The following NOX4 variants were observed in gnomAD, a reference collection of about 807,000 sequenced individuals.
NOX4 encodes the protein NADPH oxidase 4.
In NOX4, 69 loss-of-function variants were observed where a neutral mutation model predicts 87.6. The observed-to-expected ratio is 0.79, with a 90% CI of 0.65 to 0.96. The LOEUF is 0.96. Among genes scored for constraint, NOX4 ranks in the 40% least tolerant of loss-of-function variants. NOX4 has a pLI of 0.00. For missense variants in NOX4, 680 were observed against 681.5 expected, an observed-to-expected ratio of 1.00 and a Z score of 0.02; for synonymous variants, 275 against 238.2, an observed-to-expected ratio of 1.15 and a Z score of -1.42.
In NOX4 at chr11:89,442,959, G is replaced by C. The variant is rs184428679; in HGVS notation, c.447+1176C>G. Among the ~76,000 whole-genome samples the C allele has an allele frequency of 1.4e-4, 21 of 152,186 alleles. No individual in the cohort carries two copies. The East Asian group carries it at 3.9e-3, about 28-fold the overall frequency. On this transcript the variant is annotated intron_variant, in intron 5 of 17. Transcript: ENST00000263317. ...TTGAGCAGAGGGCAGCAGGAGAAAG[G>C]GAAGCAGGTGGAAGTGAGATGGGCA...
At chr11:89,529,031 T>A in the NOX4 span, among the ~76,000 whole-genome samples, 1 of 151,766 alleles carries the variant, frequency 6.6e-6, no homozygotes, top group Non-Finnish European at 1.5e-5. Context: ...AAGATAAGAA[T>A]ACAAACAGAA....
At chr11:89,510,575 T>A in the NOX4 span, among the ~76,000 whole-genome samples, 8 of 152,140 alleles carry the variant, frequency 5.3e-5, no homozygotes, top group African/African-American at 1.9e-4. Context: ...TTATGTAATT[T>A]TTACAGAATC....
chr11:89,436,679 C>T (rs1944097051), intron 6 of NOX4, among the ~76,000 whole-genome samples: 1 of 151,978 alleles, frequency 6.6e-6, no homozygotes, highest in African/African-American at 2.4e-5. Flanking sequence ...ATTCATTATC[C>T]TATTTTACTA....
chr11:89,338,330 C>T (rs761548523), intron 15 of NOX4, among the ~76,000 whole-genome samples: 1 of 151,902 alleles, frequency 6.6e-6, no homozygotes. Context: ...AATTTCCTTC[C>T]TTTTTAAGGC....
the NOX4 span, among the ~76,000 whole-genome samples, chr11:89,541,223 C>T: frequency 2.0e-5 from 3 of 152,254 alleles, no homozygotes; most frequent in East Asian, 3.9e-4. Flanking sequence ...TTTTAAAATT[C>T]TGCCTGGAAT....
chr11:89,457,983 C>T (rs960910508), intron 2 of NOX4, among the ~76,000 whole-genome samples: 1 of 152,014 alleles, frequency 6.6e-6, no homozygotes, highest in African/African-American at 2.4e-5. Context: ...CCATACTGGC[C>T]AAAGCAATTT....
chr11:89,420,110 A>T (rs886867809), intron 8 of NOX4, among the ~76,000 whole-genome samples: 47 of 152,118 alleles, frequency 3.1e-4, no homozygotes, highest in Non-Finnish European at 6.0e-4. Flanking sequence ...GGAGTTTCTG[A>T]ATCAGAATGC....
At chr11:89,460,299 C>G (rs556540818) in intron 2 of NOX4, among the ~76,000 whole-genome samples, 1 of 152,022 alleles carries the variant, frequency 6.6e-6, no homozygotes, top group East Asian at 1.9e-4. Context: ...ACAAAAGCCA[C>G]AATTGACAAA....
At chr11:89,520,151 A>T in the NOX4 span, among the ~76,000 whole-genome samples, 2 of 151,974 alleles carry the variant, frequency 1.3e-5, no homozygotes, top group African/African-American at 4.8e-5. Flanking sequence ...CCCAATATGG[A>T]AGAGGGATAT....
chr11:89,444,033 C>T (rs1249798244), intron 5 of NOX4, 102 bp downstream of exon 5: 1 of 901,874 alleles, frequency 1.1e-6, no homozygotes, highest in Non-Finnish European at 1.8e-6. Flanking sequence ...TAAAAGCACT[C>T]AAAAGGAGCA....
chr11:89,356,048 C>T (rs767750178), intron 12 of NOX4, among the ~76,000 whole-genome samples: 25 of 152,024 alleles, frequency 1.6e-4, no homozygotes, highest in East Asian at 1.4e-3. Context: ...ATAAAATCTC[C>T]GCAGATTGCA....
At chr11:89,577,541 A>T in the NOX4 span, 2 of 152,202 alleles carry the variant, frequency 1.3e-5, no homozygotes, top group African/African-American at 4.8e-5. Flanking sequence ...AAAGATAAGA[A>T]ATATTATCTC....
rs546896074 is a variant in NOX4, at chr11:89,382,004, G to A, written c.1075-8512C>T. On this transcript the variant is annotated intron_variant, in intron 11 of 17. Coordinates refer to ENST00000263317, the MANE Select transcript of NOX4 (RefSeq NM_016931.5). ...AAACTCCGGCACCAGTCACGGACTC[G>A]GCAAGACAGTTTTCCCTTGGTGTTT... Among the ~76,000 whole-genome samples, 20 of 152,196 alleles carry A rather than the reference G, an allele frequency of 1.3e-4. No homozygotes were observed. In the East Asian group the frequency reaches 2.1e-3, roughly 16 times the overall value.
chr11:89,395,062 T>C (rs317157), intron 11 of NOX4, among the ~76,000 whole-genome samples: 81,825 of 151,930 alleles, frequency 0.54, 23,182 homozygotes, highest in East Asian at 0.73. Flanking sequence ...GTTCTAGATC[T>C]CTGAGGAATC....
chr11:89,521,993 G>T, the NOX4 span, among the ~76,000 whole-genome samples: 1 of 150,796 alleles, frequency 6.6e-6, no homozygotes, highest in South Asian at 2.1e-4. Flanking sequence ...CCTCACACCA[G>T]TCAAAATGGT....
intron 6 of NOX4, among the ~76,000 whole-genome samples, chr11:89,434,686 C>T: frequency 7.0e-6 from 1 of 142,096 alleles, no homozygotes; most frequent in East Asian, 2.5e-4. Flanking sequence ...TTTTAACAGT[C>T]AAAGTCTATA....
At chr11:89,541,328 G>C in the NOX4 span, among the ~76,000 whole-genome samples, 1 of 152,082 alleles carries the variant, frequency 6.6e-6, no homozygotes, top group Admixed American at 6.6e-5. Flanking sequence ...CACTCCCTAA[G>C]AAGAGTTTTT....
chr11:89,508,846 G>A, the NOX4 span, among the ~76,000 whole-genome samples: 1 of 152,012 alleles, frequency 6.6e-6, no homozygotes, highest in Non-Finnish European at 1.5e-5. Context: ...AGTTCACAAA[G>A]CAACAAAGTG....
At chr11:89,463,332 T>C (rs1162049037) in intron 2 of NOX4, among the ~76,000 whole-genome samples, 1 of 151,980 alleles carries the variant, frequency 6.6e-6, no homozygotes, top group Non-Finnish European at 1.5e-5. Flanking sequence ...TTGGTATTGA[T>C]GCAATATTTT....
Sources: gnomAD v4.1 joint callset for allele counts (sites outside exome capture counted in the v4.1 genomes callset) on GRCh38, gnomAD v4.1.1 for gene constraint, MANE v1.5 for transcripts, NCBI Gene and HGNC (gene_info 2026-07-23, HGNC 2026-07-21) for gene names.